Variants in KCNK9 observed in about 807,000 individuals in gnomAD.
The protein encoded by KCNK9 is potassium two pore domain channel subfamily K member 9.
A neutral mutation model predicts 10.8 loss-of-function variants in KCNK9; 1 was observed. The observed-to-expected ratio is 0.09, with a 90% CI of 0.03 to 0.44. The LOEUF (loss-of-function observed/expected upper bound fraction) is 0.44, where lower values mean the gene tolerates loss of function less well. Ranked by LOEUF, KCNK9 falls within the 20% of genes least tolerant of loss-of-function variation. The pLI is 0.97. For missense variants in KCNK9, 303 were observed against 515.0 expected (o/e 0.59, Z 3.98); for synonymous variants, 231 against 222.7 (o/e 1.04, Z -0.33).
intron 1 of KCNK9, among the ~76,000 whole-genome samples, chr8:139,667,931 C>G (rs996824685): frequency 6.6e-6 from 1 of 151,898 alleles, no homozygotes; most frequent in African/African-American, 2.4e-5. Flanking sequence ...ATGCACAGTG[C>G]TGCACATCCG....
At chr8:139,602,648 G>C (rs925796592) in intron 2 of KCNK9, among the ~76,000 whole-genome samples, 1 of 152,180 alleles carries the variant, frequency 6.6e-6, no homozygotes, top group Non-Finnish European at 1.5e-5. Flanking sequence ...ATTTGCAGAT[G>C]AGCCAAGTGA....
intron 1 of KCNK9, among the ~76,000 whole-genome samples, chr8:139,651,618 C>A (rs560278875): frequency 6.6e-6 from 1 of 152,098 alleles, no homozygotes; most frequent in Non-Finnish European, 1.5e-5. Flanking sequence ...CCTTCTGTAG[C>A]GGATGGATGG....
chr8:139,666,478 C>T (rs1246339030), intron 1 of KCNK9, among the ~76,000 whole-genome samples: 1 of 152,246 alleles, frequency 6.6e-6, no homozygotes, highest in Non-Finnish European at 1.5e-5. Flanking sequence ...ACACTGTGGT[C>T]ATCCCCATTT....
intron 1 of KCNK9, among the ~76,000 whole-genome samples, chr8:139,691,067 C>T (rs1221625797): frequency 6.6e-6 from 1 of 152,238 alleles, no homozygotes; most frequent in African/African-American, 2.4e-5. Flanking sequence ...TAATCAATCA[C>T]ACACGGCACC....
chr8:139,654,911 C>G (rs1039329340), intron 1 of KCNK9, among the ~76,000 whole-genome samples: 2 of 151,970 alleles, frequency 1.3e-5, no homozygotes, highest in Non-Finnish European at 2.9e-5. Flanking sequence ...GATAAATGGG[C>G]GAGAGGATGG....
At chr8:139,628,517 C>T (rs1189455065) in intron 1 of KCNK9, among the ~76,000 whole-genome samples, 4 of 152,206 alleles carry the variant, frequency 2.6e-5, no homozygotes, top group South Asian at 4.1e-4. Context: ...CAGGGCATGG[C>T]CCCCTCGTCT....
At position 139,644,572 on chromosome 8, in the gene KCNK9, T is replaced by G. The variant is rs1198240869; in HGVS notation, c.284-25473A>C. On this transcript the variant is annotated intron_variant, in intron 1 of 1. Coordinates refer to ENST00000520439, the MANE Select transcript of KCNK9 (RefSeq NM_001282534.2). ...ATTCACACCCTAAGGTGGGTGTCAC[T>G]TCTTCCAATTCAGAGATGAGGAAAG... Among the ~76,000 whole-genome samples the G allele has an allele frequency of 2.0e-5, 3 of 152,176 alleles. No individual in the cohort carries two copies. The East Asian group carries it at 5.8e-4, about 29-fold the overall frequency.
intron 1 of KCNK9, among the ~76,000 whole-genome samples, chr8:139,636,990 T>G (rs752099274): frequency 6.6e-6 from 1 of 152,246 alleles, no homozygotes; most frequent in Non-Finnish European, 1.5e-5. Context: ...ACACAGCAGC[T>G]GTCCAAAGTA....
At chr8:139,680,454 C>A (rs889295161) in intron 1 of KCNK9, among the ~76,000 whole-genome samples, 1 of 152,204 alleles carries the variant, frequency 6.6e-6, no homozygotes, top group South Asian at 2.1e-4. Context: ...TCCTGGACAG[C>A]AGGAGGGCCA....
intron 1 of KCNK9, among the ~76,000 whole-genome samples, chr8:139,658,001 G>T (rs1444021196): frequency 6.6e-6 from 1 of 152,238 alleles, no homozygotes; most frequent in East Asian, 1.9e-4. Context: ...TGGACAATGG[G>T]CTATGGTTTC....
At chr8:139,613,952 C>T (rs1814505534), downstream of KCNK9, among the ~76,000 whole-genome samples, 1 of 152,188 alleles carries the variant, frequency 6.6e-6, no homozygotes, top group African/African-American at 2.4e-5. Context: ...GGCGCCTCTG[C>T]AGAGGGCTTC....
intron 1 of KCNK9, among the ~76,000 whole-genome samples, chr8:139,632,849 G>A (rs1441445825): frequency 1.3e-5 from 2 of 152,138 alleles, no homozygotes; most frequent in East Asian, 3.9e-4. Context: ...GGCATTTGGG[G>A]GTACAGCTGC....
At chr8:139,639,755 G>A (rs1563729502) in intron 1 of KCNK9, among the ~76,000 whole-genome samples, 1 of 152,194 alleles carries the variant, frequency 6.6e-6, no homozygotes, top group Admixed American at 6.5e-5. Flanking sequence ...CAGACTTCAT[G>A]GCAGGGACCA....
Position 139,618,234 on chromosome 8 carries a change from T to C in KCNK9, c.*24A>G. The stretch of plus-strand genomic sequence containing the variant: ...AACACCAACTATGACAAATGACTTT[T>C]CTGTCCCATTTCCCTCCCCACACCT... On this transcript the variant is annotated 3_prime_UTR_variant, in exon 2 of 2. Transcript: ENST00000520439. This position sits in a 1 kb window ranked among gnomAD's most constrained non-coding sequence, Gnocchi z 7.9. The C allele has an allele frequency of 6.2e-7, 1 of 1,614,216 alleles. No homozygotes were observed. Among genetic ancestry groups the C allele is most frequent in the South Asian group, 1.1e-5 (1 of 91,072 alleles).
At chr8:139,680,090 C>G (rs1323929883) in intron 1 of KCNK9, among the ~76,000 whole-genome samples, 1 of 152,158 alleles carries the variant, frequency 6.6e-6, no homozygotes, top group Non-Finnish European at 1.5e-5. Context: ...CACCTCATAC[C>G]TACGGGGACT....
downstream of KCNK9, chr8:139,617,049 T>C (rs1368791617): frequency 2.0e-5 from 3 of 152,230 alleles, no homozygotes; most frequent in African/African-American, 7.2e-5. Context: ...CATAGCTCCT[T>C]GCCTCTAAAC....
intron 1 of KCNK9, among the ~76,000 whole-genome samples, chr8:139,687,611 TATAC>T (rs1376026028): frequency 1.3e-5 from 1 of 79,460 alleles, no homozygotes; most frequent in Non-Finnish European, 2.8e-5. Flanking sequence ...TATACATATG[TATAC>T]ATATATATTC....
intron 1 of KCNK9, among the ~76,000 whole-genome samples, chr8:139,648,005 G>A (rs1014641730): frequency 6.6e-5 from 10 of 152,310 alleles, no homozygotes; most frequent in African/African-American, 1.7e-4. Flanking sequence ...ATAGCAGCAC[G>A]CTAGCTGAAA....
rs138783025 is a variant in KCNK9 at position 139,602,259 on chromosome 8, C to T, written c.*1-658G>A. On this transcript the variant is annotated intron_variant, in intron 2 of 2. Transcript: ENST00000650269. Reference sequence around the variant, plus strand: ...GGGAGGGGCTGCTGCACAGCCTTGACGATCGATCACAGGCATGCAGGATGG... The same window carrying T: ...GGGAGGGGCTGCTGCACAGCCTTGATGATCGATCACAGGCATGCAGGATGG... 6.9e-4 allele frequency among the ~76,000 whole-genome samples: 105 copies of T among 152,298 alleles called. No individual in the cohort carries two copies. The East Asian group carries it at 0.019, about 27-fold the overall frequency.
Sources: gnomAD v4.1 joint callset for allele counts (sites outside exome capture counted in the v4.1 genomes callset) on GRCh38, gnomAD v4.1.1 for gene constraint, Gnocchi (gnomAD v3.1) non-coding constraint, MANE v1.5 for transcripts, NCBI Gene and HGNC (gene_info 2026-07-23, HGNC 2026-07-21) for gene names.